The following SCNN1A variants were observed in gnomAD, a reference collection of about 807,000 sequenced individuals.
The protein encoded by SCNN1A is epithelial sodium channel subunit alpha.
A neutral mutation model predicts 68.6 loss-of-function variants in SCNN1A; 65 were observed. That is an observed-to-expected ratio of 0.95 (90% CI 0.78 to 1.16). The LOEUF (loss-of-function observed/expected upper bound fraction) is 1.16. SCNN1A is among the 50% of genes most tolerant of loss of function. The pLI, the probability that SCNN1A is intolerant of heterozygous loss-of-function variation, is 0.00. For missense variants in SCNN1A, 880 were observed against 865.9 expected (o/e 1.02, Z -0.20); for synonymous variants, 357 against 353.3 (o/e 1.01, Z -0.12).
At chr12:6,365,987 TG>T (rs35451673) in intron 2 of SCNN1A, among the ~76,000 whole-genome samples, 29,668 of 152,028 alleles carry the variant, frequency 0.2, 3,645 homozygotes, top group South Asian at 0.29. Context: ...CCCTAGTAGC[TG>T]GGACTACAGG....
At position 6,363,583 on chromosome 12, in the gene SCNN1A, C is replaced by T. The variant is rs775360187; in HGVS notation, c.544G>A (p.Gly182Arg). The T allele has an allele frequency of 1.9e-6, 3 of 1,611,998 alleles. No homozygotes were observed. The highest frequency in any genetic ancestry group is 2.2e-5 in the East Asian group (1 of 44,806). The part of the protein sequence containing the change: ...AGSRSRRDLR[G>R]TLPHPLQRLR... Reference sequence around the variant, plus strand: ...CGCTGCAAGGGGTGCGGCAGAGTCCCCCGCAGGTCGCGACGGCTGCGGGAG... The same window carrying T: ...CGCTGCAAGGGGTGCGGCAGAGTCCTCCGCAGGTCGCGACGGCTGCGGGAG... Residue 182 changes from glycine (G) to arginine (R), a missense_variant, in exon 3 of 13, where the codon GGG becomes AGG. Around this residue, in one of 3 missense-constraint regions of SCNN1A, gnomAD observed 758 missense variants for 721.8 expected, o/e 1.05. Transcript: ENST00000228916.
chr12:6,357,269 A>G (rs1330118308), intron 4 of SCNN1A, among the ~76,000 whole-genome samples: 1 of 152,126 alleles, frequency 6.6e-6, no homozygotes, highest in African/African-American at 2.4e-5. Flanking sequence ...GTTTTAAAAC[A>G]TAGAGCTTCG....
At chr12:6,375,828 A>T (rs1463811998), upstream of SCNN1A, 2 of 1,351,900 alleles carry the variant, frequency 1.5e-6, no homozygotes, top group African/African-American at 3.0e-5. Flanking sequence ...CAACACAAGG[A>T]GAAGGGGCCA....
chr12:6,366,486 G>T (rs553291343), intron 2 of SCNN1A, among the ~76,000 whole-genome samples: 1 of 152,154 alleles, frequency 6.6e-6, no homozygotes, highest in Non-Finnish European at 1.5e-5. Context: ...GGCCGCACCC[G>T]AAACACATTA....
Position 6,355,573 on chromosome 12 carries a change from C to A in SCNN1A, c.980-138G>T, listed in dbSNP as rs72657582. 45 of 1,091,392 alleles carry A rather than the reference C, an allele frequency of 4.1e-5. No homozygotes were observed. The African/African-American group carries it at 6.4e-4, about 16-fold the overall frequency. 67.6% of individuals were successfully genotyped at this position (1,091,392 alleles called of 1,614,324 possible). A position where few individuals can be genotyped will look rare whatever the true frequency, so the allele number is the denominator to read the frequency against. The stretch of plus-strand genomic sequence containing the variant: ...AGTTCAGGAAGACCCGCAAAGGGAC[C>A]TGGCAACCCCTGAGCTGGAATCTGG... On this transcript the variant is annotated intron_variant, in intron 5 of 12. Coordinates refer to ENST00000228916, the MANE Select transcript of SCNN1A (RefSeq NM_001038.6).
Position 6,355,566 on chromosome 12 carries a change from A to G in SCNN1A, c.980-131T>C, listed in dbSNP as rs1309885498. 4 of 1,185,744 alleles carry G rather than the reference A, an allele frequency of 3.4e-6. No homozygotes were observed. The African/African-American group carries it at 6.1e-5, about 18-fold the overall frequency. The allele number at this position is 1,185,744 out of a possible 1,614,324, so 73.5% of individuals were successfully genotyped here. On this transcript the variant is annotated intron_variant, in intron 5 of 12. Transcript: ENST00000228916. ...AGAAGCAAGTTCAGGAAGACCCGCA[A>G]AGGGACCTGGCAACCCCTGAGCTGG...
chr12:6,355,948 G>C, intron 4 of SCNN1A, 68 bp from the exon 5 acceptor site: 3 of 1,005,516 alleles, frequency 3.0e-6, no homozygotes, highest in Non-Finnish European at 4.8e-6. Context: ...GGGAGATGAG[G>C]CAGAGAGAAA....
chr12:6,356,013 C>A, intron 4 of SCNN1A, 133 bp from the exon 5 acceptor site: 2 of 758,434 alleles, frequency 2.6e-6, no homozygotes, highest in Non-Finnish European at 4.8e-6. Context: ...CATTTGTTTC[C>A]TGATCACCTA....
rs201246087 is a variant in SCNN1A, at chr12:6,363,559, G to A, written c.568C>T (p.Arg190Cys). ...LRGTLPHPLQ[R>C]LRVPPPPHGA... is the part of the protein sequence containing the mutation. ...TGAGGCGGGGGCGGGACCCTCAGGCGCTGCAAGGGGTGCGGCAGAGTCCCC... is the reference window on the plus strand; with the variant it reads ...TGAGGCGGGGGCGGGACCCTCAGGCACTGCAAGGGGTGCGGCAGAGTCCCC... The change falls in exon 3 of 13, where the codon CGC becomes TGC. Residue 190 changes from arginine to cysteine, a missense_variant. This residue lies in a region of SCNN1A where 758 missense variants were observed against 721.8 expected (regional missense o/e 1.05). Coordinates refer to ENST00000228916, the MANE Select transcript of SCNN1A (RefSeq NM_001038.6). 331 of 1,610,468 alleles carry A rather than the reference G, an allele frequency of 2.1e-4. No individual in the cohort carries two copies. The highest frequency in any genetic ancestry group is 2.6e-4 in the Non-Finnish European group (309 of 1,178,594).
intron 10 of SCNN1A, 63 bp from the exon 11 acceptor site, chr12:6,349,068 G>A: frequency 1.9e-6 from 3 of 1,605,134 alleles, no homozygotes. Context: ...CAGGGATAGG[G>A]TTGTGTCAAA....
chr12:6,367,464 G>C (rs151266088), intron 2 of SCNN1A, among the ~76,000 whole-genome samples: 1 of 152,136 alleles, frequency 6.6e-6, no homozygotes, highest in African/African-American at 2.4e-5. Flanking sequence ...GAACTGATAC[G>C]TGCAAAAAAC....
chr12:6,375,592 A>G, upstream of SCNN1A: 3 of 983,388 alleles, frequency 3.1e-6, no homozygotes, highest in Non-Finnish European at 4.4e-6. Context: ...ATCTCAATTA[A>G]AGGTGAGCAG....
At chr12:6,354,883 A>T (rs1320332678) in intron 6 of SCNN1A, 35 bp from the exon 7 acceptor site, 2 of 1,527,446 alleles carry the variant, frequency 1.3e-6, no homozygotes, top group Admixed American at 3.3e-5. Flanking sequence ...ATCAGAGGAC[A>T]GAGCAAGTGC....
chr12:6,357,863 C>T (rs894956337), intron 4 of SCNN1A, among the ~76,000 whole-genome samples: 18 of 152,096 alleles, frequency 1.2e-4, no homozygotes, highest in African/African-American at 4.1e-4. Flanking sequence ...CCGGGCACGG[C>T]GGCACATGCC....
intron 8 of SCNN1A, chr12:6,353,574 TTTTTATTTATTTA>T (rs1254127553): frequency 1.3e-5 from 2 of 151,208 alleles, no homozygotes; most frequent in Admixed American, 6.6e-5. Flanking sequence ...TTTATTTTTA[TTTTTATTTATTTA>T]TTTTATTTAT....
chr12:6,348,771 TGAA>T lies in SCNN1A; in HGVS notation c.1582_1584del (p.Phe528del), dbSNP rs61759913. The T allele has an allele frequency of 4.8e-5, 77 of 1,613,776 alleles. No homozygotes were observed. The highest frequency in any genetic ancestry group is 6.4e-5 in the Non-Finnish European group (75 of 1,179,960). Reference sequence around the variant, plus strand: ...GAATTGGTTTTGTAGTTCAGCTCCTTGAAGAAGATGTTGACTTTGGCCACTCCA... The same window carrying T: ...GAATTGGTTTTGTAGTTCAGCTCCTTGAAGATGTTGACTTTGGCCACTCCA... On this transcript the variant is annotated inframe_deletion, in exon 12 of 13. Coordinates refer to ENST00000228916, the MANE Select transcript of SCNN1A (RefSeq NM_001038.6).
At chr12:6,363,186 G>A (rs1197784665) in intron 3 of SCNN1A, among the ~76,000 whole-genome samples, 1 of 151,476 alleles carries the variant, frequency 6.6e-6, no homozygotes, top group Non-Finnish European at 1.5e-5. Context: ...TAATAAATTT[G>A]ACTTCCTACC....
At chr12:6,371,580 G>A (rs1241421840) in intron 2 of SCNN1A, among the ~76,000 whole-genome samples, 1 of 114,094 alleles carries the variant, frequency 8.8e-6, no homozygotes, top group Non-Finnish European at 1.8e-5. Flanking sequence ...GGGGCGGGGG[G>A]CGGGGGATGA....
chr12:6,368,536 T>C (rs1031200599), intron 2 of SCNN1A, among the ~76,000 whole-genome samples: 3 of 152,248 alleles, frequency 2.0e-5, no homozygotes, highest in African/African-American at 7.2e-5. Context: ...AAAACTTATT[T>C]AACATGATTT....
Sources: allele counts gnomAD v4.1 joint callset (sites outside exome capture counted in the v4.1 genomes callset), GRCh38; gene constraint gnomAD v4.1.1; regional missense constraint gnomAD v4.1.1; transcripts MANE v1.5; gene names NCBI Gene and HGNC (gene_info 2026-07-23, HGNC 2026-07-21).